The following HMCN1 variants were observed in gnomAD, a reference collection of about 807,000 sequenced individuals.
HMCN1 encodes the protein hemicentin 1, also known as hemicentin-1.
In HMCN1, 321 loss-of-function variants were observed where a neutral mutation model predicts 625.9. The observed-to-expected ratio is 0.51, with a 90% CI of 0.47 to 0.56. HMCN1 has a LOEUF of 0.56. Ranked by LOEUF, HMCN1 falls within the 20% of genes least tolerant of loss-of-function variation. HMCN1 has a pLI of 0.00. For synonymous variants in HMCN1, 2,425 were observed against 2,417.6 expected (o/e 1.00, Z -0.09); for missense variants, 6,588 against 6,887.3 (o/e 0.96, Z 1.54).
intron 22 of HMCN1, among the ~76,000 whole-genome samples, chr1:185,990,818 T>C (rs1176565185): frequency 1.3e-5 from 2 of 152,342 alleles, no homozygotes; most frequent in African/African-American, 4.8e-5. Context: ...TTGGCTTTCA[T>C]TGGATGATTT....
At chr1:186,018,493 A>T in intron 34 of HMCN1, 141 bp downstream of exon 34, 1 of 876,064 alleles carries the variant, frequency 1.1e-6, no homozygotes, top group Non-Finnish European at 1.8e-6. Flanking sequence ...TTTCAGTTGT[A>T]TGCCAGAATT....
rs188783893 is a variant in HMCN1, at chr1:185,847,791, G to A, written c.339+1695G>A. Among the ~76,000 whole-genome samples, 186 of 151,674 alleles carry A rather than the reference G, an allele frequency of 1.2e-3. 1 individual carries two copies. The highest frequency in any genetic ancestry group is 1.6e-3 in the African/African-American group (66 of 41,382). On this transcript the variant is annotated intron_variant, in intron 2 of 106. Transcript: ENST00000271588. ...GCATAGTGAGACCCTGTCTCTAAAA[G>A]AGAAAAAAAAATTCAGCCAGGCATG...
intron 97 of HMCN1, among the ~76,000 whole-genome samples, chr1:186,158,770 G>A (rs1651219930): frequency 6.6e-6 from 1 of 152,086 alleles, no homozygotes; most frequent in African/African-American, 2.4e-5. Flanking sequence ...ATTTCAGAGG[G>A]CTCTGTTCTG....
chr1:185,978,645 T>A (rs1651395980), intron 16 of HMCN1, among the ~76,000 whole-genome samples: 2 of 152,244 alleles, frequency 1.3e-5, no homozygotes, highest in Admixed American at 1.3e-4. Flanking sequence ...AAGCTTTTAA[T>A]CAGTTACTGC....
At position 186,144,314 on chromosome 1, in the gene HMCN1, T is replaced by C. The variant is rs771038172; in HGVS notation, c.14066T>C (p.Met4689Thr). The change falls in exon 90 of 107, where the codon ATG (methionine) becomes ACG (threonine). Residue 4689 changes from methionine (M) to threonine (T), a missense_variant. Physicochemically the swap from Met to Thr is moderately conservative, Grantham distance 81. Coordinates refer to ENST00000271588, the MANE Select transcript of HMCN1 (RefSeq NM_031935.3). ...TACTGTGATGGAGCAGAAACACAGA[T>C]GCAAGTTTGCAATGAAAGAAATTGT... ...GSYCDGAETQ[M>T]QVCNERNCPI... 2 of 1,613,866 alleles carry C rather than the reference T, an allele frequency of 1.2e-6. No homozygotes were observed. Among genetic ancestry groups the C allele is most frequent in the Non-Finnish European group, 1.7e-6 (2 of 1,179,982 alleles).
At position 185,945,489 on chromosome 1, in the gene HMCN1, C is replaced by T. The variant is rs964470484; in HGVS notation, c.1828+11665C>T. Among the ~76,000 whole-genome samples, 4 of 152,216 alleles carry T rather than the reference C, an allele frequency of 2.6e-5. No individual in the cohort carries two copies. In the South Asian group the frequency reaches 6.2e-4, roughly 24 times the overall value. On this transcript the variant is annotated intron_variant, in intron 11 of 106. Coordinates refer to ENST00000271588, the MANE Select transcript of HMCN1 (RefSeq NM_031935.3). ...AATGAGGAGAAAACAACATCCATCT[C>T]CTCAAAAAGCCTATAAAGTAATAAA...
Position 185,994,907 on chromosome 1 carries a change from C to T in HMCN1, c.3598C>T (p.Pro1200Ser), listed in dbSNP as rs759226497. 15 of 1,613,860 alleles carry T rather than the reference C, an allele frequency of 9.3e-6. No homozygotes were observed. The highest frequency in any genetic ancestry group is 1.0e-5 in the Non-Finnish European group (12 of 1,179,836). The change falls in exon 24 of 107, where the codon CCT (proline) becomes TCT (serine). Residue 1200 changes from proline to serine, a missense_variant. By Grantham distance (74) the Pro-to-Ser change is moderately conservative (BLOSUM62 -1). This residue lies in a region of HMCN1 where 4,628 missense variants were observed against 4,853.1 expected (regional missense o/e 0.95). Coordinates refer to ENST00000271588, the MANE Select transcript of HMCN1 (RefSeq NM_031935.3). ...ATGTAATGCTCAAGGGACTCCTCTT[C>T]CTGTAATCACCTGGTCCAAAGGTGG... ...IPCNAQGTPLPVITWSKGGST... is the reference protein window; with the variant it reads ...IPCNAQGTPLSVITWSKGGST...
At chr1:185,886,005 A>G (rs1220765123) in intron 4 of HMCN1, among the ~76,000 whole-genome samples, 1 of 152,106 alleles carries the variant, frequency 6.6e-6, no homozygotes, top group Non-Finnish European at 1.5e-5. Context: ...ACCTTTTTAA[A>G]TTAAAAAAAG....
chr1:185,968,917 T>A (rs1650609853), intron 14 of HMCN1, among the ~76,000 whole-genome samples: 1 of 152,180 alleles, frequency 6.6e-6, no homozygotes, highest in South Asian at 2.1e-4. Flanking sequence ...CAAAATGTGA[T>A]TAAAACAGAA....
At chr1:186,100,502 C>T (rs945091769) in intron 68 of HMCN1, among the ~76,000 whole-genome samples, 3 of 152,096 alleles carry the variant, frequency 2.0e-5, no homozygotes, top group East Asian at 3.9e-4. Flanking sequence ...TTTCATAGGG[C>T]CAGGTCATAG....
In HMCN1 at chr1:186,081,223, G is replaced by A. The variant is rs1254275339; in HGVS notation, c.8616G>A (p.Lys2872=). Residue 2872 remains lysine (K), a synonymous_variant, in exon 56 of 107, where the codon AAG becomes AAA. Transcript: ENST00000271588. ...DVRVLVPPII[K]GANSDLPEEV... is the part of the protein sequence containing the mutation. ...CTTTGTTAGTGCCGCCAATTATCAA[G>A]GGAGCAAATAGTGATCTCCCTGAAG... 6.2e-7 allele frequency: 1 copy of A among 1,613,554 alleles called. No individual in the cohort carries two copies. The highest frequency in any genetic ancestry group is 8.5e-7 in the Non-Finnish European group (1 of 1,179,680).
intron 4 of HMCN1, among the ~76,000 whole-genome samples, chr1:185,905,336 A>G (rs774672502): frequency 6.6e-6 from 1 of 151,650 alleles, no homozygotes; most frequent in Non-Finnish European, 1.5e-5. Flanking sequence ...AGGTTCAGGG[A>G]CGATAGTAGT....
intron 4 of HMCN1, among the ~76,000 whole-genome samples, chr1:185,882,538 T>C (rs1056957349): frequency 6.6e-6 from 1 of 151,990 alleles, no homozygotes; most frequent in Admixed American, 6.6e-5. Context: ...TTGAAAAACA[T>C]TGATATGGGT....
chr1:185,920,056 A>G (rs938577738), intron 6 of HMCN1, among the ~76,000 whole-genome samples: 9 of 152,250 alleles, frequency 5.9e-5, no homozygotes, highest in African/African-American at 2.2e-4. Context: ...AATAGATATC[A>G]AACTATTGGC....
intron 15 of HMCN1, among the ~76,000 whole-genome samples, chr1:185,971,228 A>G (rs1202523410): frequency 6.6e-6 from 1 of 152,230 alleles, no homozygotes; most frequent in Non-Finnish European, 1.5e-5. Flanking sequence ...GAAGATATTG[A>G]TGACAGCAAA....
chr1:186,119,715 A>T (rs1661306834), intron 78 of HMCN1, 30 bp from the exon 79 acceptor site: 1 of 1,610,662 alleles, frequency 6.2e-7, no homozygotes, highest in Non-Finnish European at 8.5e-7. Flanking sequence ...TAGTGCTATT[A>T]CTTCTTTTTG....
At chr1:185,864,720 C>A in intron 3 of HMCN1, 92 bp downstream of exon 3, 1 of 1,134,116 alleles carries the variant, frequency 8.8e-7, no homozygotes. Flanking sequence ...TGGTCAATAA[C>A]AATAATTATA....
In HMCN1 at chr1:186,130,026, A is replaced by G; in HGVS notation, c.12965A>G (p.Asp4322Gly). The change falls in exon 84 of 107, where the codon GAT becomes GGT. Residue 4322 changes from aspartate to glycine, a missense_variant. Physicochemically the swap from Asp to Gly is moderately conservative, Grantham distance 94. This residue lies in a region of HMCN1 where 1,954 missense variants were observed against 2,013.1 expected (regional missense o/e 0.97). Coordinates refer to ENST00000271588, the MANE Select transcript of HMCN1 (RefSeq NM_031935.3). ...ELVIERVSKE[D>G]SGTYVCTAEN... Reference sequence around the variant, plus strand: ...GTTATTGAAAGAGTGTCAAAAGAGGATTCAGGTACTTATGTGTGCACCGCA... The same window carrying G: ...GTTATTGAAAGAGTGTCAAAAGAGGGTTCAGGTACTTATGTGTGCACCGCA... The G allele has an allele frequency of 6.2e-7, 1 of 1,613,276 alleles. No homozygotes were observed. The highest frequency in any genetic ancestry group is 8.5e-7 in the Non-Finnish European group (1 of 1,179,460).
intron 86 of HMCN1, among the ~76,000 whole-genome samples, chr1:186,133,576 AT>A (rs907028105): frequency 1.3e-5 from 2 of 152,198 alleles, no homozygotes; most frequent in African/African-American, 4.8e-5. Context: ...AAGTCAAGTC[AT>A]TTTGTGACTA....
Sources: gnomAD v4.1 joint callset for allele counts (sites outside exome capture counted in the v4.1 genomes callset) on GRCh38, gnomAD v4.1.1 for gene constraint, gnomAD v4.1.1 regional missense constraint, MANE v1.5 for transcripts, NCBI Gene and HGNC (gene_info 2026-07-23, HGNC 2026-07-21) for gene names.